ZCCHC24: variants seen among roughly 807,000 people sequenced by gnomAD.
ZCCHC24 encodes zinc finger CCHC-type containing 24.
ZCCHC24 carries 10 observed loss-of-function variants against 26.2 expected under a neutral mutation model. That is an observed-to-expected ratio of 0.38 (90% CI 0.24 to 0.65). The LOEUF (loss-of-function observed/expected upper bound fraction) is 0.65, where lower values mean the gene tolerates loss of function less well. Ranked by LOEUF, ZCCHC24 falls within the 30% of genes least tolerant of loss-of-function variation. ZCCHC24 has a pLI of 0.54. For missense variants in ZCCHC24, 243 were observed against 329.1 expected, an observed-to-expected ratio of 0.74 and a Z score of 2.03; for synonymous variants, 144 against 147.1, an observed-to-expected ratio of 0.98 and a Z score of 0.15.
intron 1 of ZCCHC24, among the ~76,000 whole-genome samples, chr10:79,440,709 A>G (rs941603503): frequency 6.6e-6 from 1 of 152,192 alleles, no homozygotes; most frequent in Admixed American, 6.5e-5. Context: ...TGAATAGAGC[A>G]CCACCCAAGA....
intron 1 of ZCCHC24, among the ~76,000 whole-genome samples, chr10:79,442,081 G>A (rs1227067294): frequency 2.0e-5 from 3 of 152,182 alleles, no homozygotes; most frequent in African/African-American, 7.2e-5. Context: ...TGCCTTCCTT[G>A]GGTACCTGGA....
intron 2 of ZCCHC24, among the ~76,000 whole-genome samples, chr10:79,400,056 T>C (rs749318695): frequency 3.3e-5 from 5 of 152,162 alleles, no homozygotes; most frequent in Non-Finnish European, 7.3e-5. Context: ...CTGCAGCTGG[T>C]AAAGGCCAAC....
At chr10:79,416,426 G>A (rs1856860493) in intron 2 of ZCCHC24, among the ~76,000 whole-genome samples, 1 of 152,294 alleles carries the variant, frequency 6.6e-6, no homozygotes, top group Admixed American at 6.5e-5. Context: ...GGCTGCTGGG[G>A]GTGTCCAGGG....
chr10:79,429,113 C>G (rs1857090670), intron 2 of ZCCHC24, among the ~76,000 whole-genome samples: 1 of 152,212 alleles, frequency 6.6e-6, no homozygotes, highest in African/African-American at 2.4e-5. Flanking sequence ...GGAAGGAACA[C>G]TTCCTAACAC....
In ZCCHC24 at chr10:79,394,371, G is replaced by T. The variant is rs768736541; in HGVS notation, c.517C>A (p.Pro173Thr). The T allele has an allele frequency of 3.4e-5, 55 of 1,614,106 alleles. No individual in the cohort carries two copies. The East Asian group carries it at 1.2e-3, about 35-fold the overall frequency. Residue 173 changes from proline (P) to threonine (T), a missense_variant, in exon 3 of 4, where the codon CCC (proline) becomes ACC (threonine). Coordinates refer to ENST00000372336, the MANE Select transcript of ZCCHC24 (RefSeq NM_153367.4). ...CTCATCCATTTTCTCTTGCACTTGG[G>T]ACACTTGTACTCGCCGAAGCAGCGC... Reference protein sequence around the residue: ...KKRCFGEYKCPKCKRKWMSGN... With the variant: ...KKRCFGEYKCTKCKRKWMSGN...
chr10:79,405,124 G>A (rs1011059727), intron 2 of ZCCHC24, among the ~76,000 whole-genome samples: 1 of 152,056 alleles, frequency 6.6e-6, no homozygotes, highest in Non-Finnish European at 1.5e-5. Flanking sequence ...AGGGGACTCT[G>A]TGGTTTGCAC....
intron 2 of ZCCHC24, among the ~76,000 whole-genome samples, chr10:79,402,946 G>A (rs982940221): frequency 6.6e-6 from 1 of 152,178 alleles, no homozygotes; most frequent in Non-Finnish European, 1.5e-5. Flanking sequence ...AATTTACACT[G>A]AGCACCCACT....
intron 2 of ZCCHC24, 51 bp downstream of exon 2, chr10:79,432,507 G>A (rs371705650): frequency 6.7e-5 from 105 of 1,560,248 alleles, no homozygotes; most frequent in Admixed American, 6.6e-4. Context: ...GAGCCTGTCC[G>A]CAGGTCAGTA....
intron 1 of ZCCHC24, among the ~76,000 whole-genome samples, chr10:79,434,800 A>G (rs931365156): frequency 2.0e-5 from 3 of 152,234 alleles, no homozygotes; most frequent in African/African-American, 7.2e-5. Context: ...CATTAAGAGC[A>G]TTCATGCTGT....
At chr10:79,389,349 T>A (rs1013365822) in intron 3 of ZCCHC24, among the ~76,000 whole-genome samples, 1 of 152,220 alleles carries the variant, frequency 6.6e-6, no homozygotes, top group Non-Finnish European at 1.5e-5. Context: ...CTGTGTCTGG[T>A]GTCTTCTGCA....
intron 1 of ZCCHC24, among the ~76,000 whole-genome samples, chr10:79,441,079 AACACACACAC>A (rs55762333): frequency 7.3e-4 from 99 of 135,662 alleles, no homozygotes; most frequent in African/African-American, 2.5e-3. Context: ...CTGCCCCCTA[AACACACACAC>A]ACACACACAC....
At chr10:79,444,213 G>A in intron 1 of ZCCHC24, 1 of 1,501,708 alleles carries the variant, frequency 6.7e-7, no homozygotes, top group Non-Finnish European at 8.9e-7. Context: ...GAAGGCCACA[G>A]ATGGGTGTCT....
At position 79,385,481 on chromosome 10, in the gene ZCCHC24, C is replaced by T. The variant is rs1229334547; in HGVS notation, c.*864G>A. The stretch of plus-strand genomic sequence containing the variant: ...GGGCAAAGACTTGAGCCGAGGTCTC[C>T]AGAACACCAGGCTTGTGTCCTTTCT... On this transcript the variant is annotated 3_prime_UTR_variant, in exon 4 of 4. Transcript: ENST00000372336. This position sits in a 1 kb window ranked among gnomAD's most constrained non-coding sequence, Gnocchi z 4.3. 3.9e-5 allele frequency: 6 copies of T among 152,228 alleles called. No homozygotes were observed. The highest frequency in any genetic ancestry group is 3.9e-4 in the Admixed American group (6 of 15,290). 9.4% of individuals were successfully genotyped at this position (152,228 alleles called of 1,614,324 possible).
At chr10:79,412,590 C>T (rs900132349) in intron 2 of ZCCHC24, among the ~76,000 whole-genome samples, 1 of 152,250 alleles carries the variant, frequency 6.6e-6, no homozygotes, top group East Asian at 1.9e-4. Flanking sequence ...CCACTAGCAT[C>T]TCTTCTAGAA....
intron 2 of ZCCHC24, chr10:79,403,367 C>T (rs1564633851): frequency 3.0e-6 from 3 of 985,190 alleles, no homozygotes; most frequent in East Asian, 2.3e-4. Context: ...GCTTTTCCTT[C>T]CCCTCTGTGC....
intron 3 of ZCCHC24, among the ~76,000 whole-genome samples, chr10:79,391,597 G>A (rs1489018593): frequency 6.6e-6 from 1 of 151,856 alleles, no homozygotes; most frequent in Non-Finnish European, 1.5e-5. Flanking sequence ...CTGAGGCCCT[G>A]CAGAAACTGG....
At chr10:79,407,889 G>A (rs1306697610) in intron 2 of ZCCHC24, among the ~76,000 whole-genome samples, 1 of 152,060 alleles carries the variant, frequency 6.6e-6, no homozygotes, top group African/African-American at 2.4e-5. Context: ...GACCGGCGGT[G>A]GTGTCAGTGG....
chr10:79,399,339 G>A (rs888818123), intron 2 of ZCCHC24, among the ~76,000 whole-genome samples: 1 of 152,166 alleles, frequency 6.6e-6, no homozygotes, highest in Admixed American at 6.5e-5. Context: ...AGAAAGGCAC[G>A]GCCTCTTCTC....
In ZCCHC24 at chr10:79,400,842, C is replaced by T. The variant is rs537086196; in HGVS notation, c.448-6402G>A. ...CCCAACTGTGGAATGCACTCCCCAC[C>T]CCTGGGTCCCTTCTGCTCCTTCCAT... On this transcript the variant is annotated intron_variant, in intron 2 of 3. Coordinates refer to ENST00000372336, the MANE Select transcript of ZCCHC24 (RefSeq NM_153367.4). Among the ~76,000 whole-genome samples, 9 of 152,314 alleles carry T rather than the reference C, an allele frequency of 5.9e-5. No homozygotes were observed. In the East Asian group the frequency reaches 1.7e-3, roughly 29 times the overall value.
Sources: gnomAD v4.1 joint callset for allele counts (sites outside exome capture counted in the v4.1 genomes callset) on GRCh38, gnomAD v4.1.1 for gene constraint, Gnocchi (gnomAD v3.1) non-coding constraint, MANE v1.5 for transcripts, NCBI Gene and HGNC (gene_info 2026-07-23, HGNC 2026-07-21) for gene names.